Variants in M1AP observed in about 807,000 individuals in gnomAD.
The protein encoded by M1AP is meiosis 1 arrest protein.
A neutral mutation model predicts 51.2 loss-of-function variants in M1AP; 39 were observed. That is an observed-to-expected ratio of 0.76 (90% confidence interval 0.59 to 1.00). The LOEUF (loss-of-function observed/expected upper bound fraction) is 1.00, where lower values mean the gene tolerates loss of function less well. Among genes scored for constraint, M1AP ranks in the 50% least tolerant of loss-of-function variants. The pLI is 0.00. For missense variants in M1AP, 545 were observed against 641.2 expected (o/e 0.85, Z 1.62); for synonymous variants, 251 against 249.2 (o/e 1.01, Z -0.07).
chr2:74,632,971 A>T (rs1165919623), intron 2 of M1AP, among the ~76,000 whole-genome samples: 3 of 152,162 alleles, frequency 2.0e-5, no homozygotes, highest in Admixed American at 2.0e-4. Context: ...CTCATTTCCT[A>T]AGAAACCTCT....
intron 2 of M1AP, among the ~76,000 whole-genome samples, chr2:74,636,081 T>C (rs1400383774): frequency 1.3e-5 from 2 of 152,086 alleles, no homozygotes; most frequent in Non-Finnish European, 2.9e-5. Flanking sequence ...AATTGTGGAT[T>C]TATCTATTTC....
In M1AP at chr2:74,576,502, T is replaced by A. The variant is rs1296147468; in HGVS notation, c.886A>T (p.Met296Leu). ...PKGDFITLYQ[M>L]ASQSSASHYK... ...TGAGAGGCCGATGACTGGGAAGCCA[T>A]CTGGTAGAGTGTGATGAAGTCTCCT... is the stretch of plus-strand genomic sequence containing the variant. The change falls in exon 6 of 11, where the codon ATG (methionine) becomes TTG (leucine). Residue 296 changes from methionine (M) to leucine (L), a missense_variant. Met to Leu is a conservative substitution (Grantham distance 15). Coordinates refer to ENST00000421985, the MANE Select transcript of M1AP (RefSeq NM_001321739.2). 4.3e-6 allele frequency: 7 copies of A among 1,613,952 alleles called. No homozygotes were observed. Among genetic ancestry groups the A allele is most frequent in the Non-Finnish European group, 5.1e-6 (6 of 1,180,000 alleles).
intron 1 of M1AP, chr2:74,647,516 T>TA: frequency 3.8e-6 from 2 of 523,830 alleles, no homozygotes; most frequent in Non-Finnish European, 4.9e-6. Flanking sequence ...TTGTAGGCCC[T>TA]AAAAATCTCA....
chr2:74,618,735 G>A (rs1306318050), intron 2 of M1AP: 10 of 221,078 alleles, frequency 4.5e-5, no homozygotes, highest in Non-Finnish European at 7.5e-5. Flanking sequence ...TCTATATCCC[G>A]AAAGTTCACA....
At chr2:74,580,220 A>G (rs1679318944) in intron 5 of M1AP, among the ~76,000 whole-genome samples, 1 of 152,234 alleles carries the variant, frequency 6.6e-6, no homozygotes, top group Non-Finnish European at 1.5e-5. Flanking sequence ...TGAAGATAAA[A>G]TGGGATAATG....
At chr2:74,586,247 G>C (rs987728515) in intron 4 of M1AP, among the ~76,000 whole-genome samples, 1 of 152,174 alleles carries the variant, frequency 6.6e-6, no homozygotes, top group Non-Finnish European at 1.5e-5. Context: ...GAATACGTTT[G>C]ATCTCTCCCA....
intron 10 of M1AP, 66 bp from the exon 11 acceptor site, chr2:74,558,940 G>A: frequency 6.9e-7 from 1 of 1,451,166 alleles, no homozygotes; most frequent in Non-Finnish European, 9.2e-7. Context: ...CCCATTCTCT[G>A]TTGGGCTTCC....
At chr2:74,630,744 C>T (rs961849235) in intron 2 of M1AP, among the ~76,000 whole-genome samples, 4 of 152,032 alleles carry the variant, frequency 2.6e-5, no homozygotes, top group African/African-American at 9.7e-5. Flanking sequence ...CTGATGGGCA[C>T]TTGGGTTGGT....
Position 74,558,894 on chromosome 2 carries a change from A to G in M1AP, c.1435-20T>C, listed in dbSNP as rs562452423. On this transcript the variant is annotated intron_variant, in intron 10 of 10. Transcript: ENST00000421985. Reference sequence around the variant, plus strand: ...CCCAGTCTGCAAAGAGAGCAACCAGAGCCTTCTCTGAAGATCAGAGTTTCT... The same window carrying G: ...CCCAGTCTGCAAAGAGAGCAACCAGGGCCTTCTCTGAAGATCAGAGTTTCT... 1 of 1,568,208 alleles carries G rather than the reference A, an allele frequency of 6.4e-7. No homozygotes were observed. Among genetic ancestry groups the G allele is most frequent in the South Asian group, 1.2e-5 (1 of 83,638 alleles).
At chr2:74,637,920 T>C (rs371699037) in intron 2 of M1AP, among the ~76,000 whole-genome samples, 23 of 152,208 alleles carry the variant, frequency 1.5e-4, no homozygotes, top group South Asian at 6.2e-4. Flanking sequence ...CCTTCTCCTC[T>C]AGCTATTAAT....
chr2:74,626,071 T>G (rs2104785286), intron 2 of M1AP, among the ~76,000 whole-genome samples: 1 of 152,318 alleles, frequency 6.6e-6, no homozygotes, highest in Admixed American at 6.5e-5. Context: ...TAGTGAACTC[T>G]GCCATCCAGT....
Position 74,624,972 on chromosome 2 carries a change from A to C in M1AP, c.241-9823T>G, listed in dbSNP as rs184025145. ...TATGTAGGATAAGGTCCTAGAAGTGAATTTGCTACTTTAAAAGATATGTAA... is the reference window on the plus strand; with the variant it reads ...TATGTAGGATAAGGTCCTAGAAGTGCATTTGCTACTTTAAAAGATATGTAA... On this transcript the variant is annotated intron_variant, in intron 2 of 10. Transcript: ENST00000421985. 4.8e-4 allele frequency among the ~76,000 whole-genome samples: 73 copies of C among 152,314 alleles called. 1 individual carries two copies. Among genetic ancestry groups the C allele is most frequent in the Non-Finnish European group, 8.8e-5 (6 of 68,000 alleles).
chr2:74,647,093 C>T (rs932067091), intron 1 of M1AP, among the ~76,000 whole-genome samples: 2 of 152,100 alleles, frequency 1.3e-5, no homozygotes, highest in Admixed American at 6.5e-5. Context: ...TGGAACTGGG[C>T]CTTGAACCAC....
At chr2:74,647,239 C>CT in intron 1 of M1AP, 1 of 985,406 alleles carries the variant, frequency 1.0e-6, no homozygotes, top group Non-Finnish European at 1.2e-6. Context: ...CATCCTCACA[C>CT]TAGGCCCTCC....
intron 5 of M1AP, among the ~76,000 whole-genome samples, chr2:74,577,953 T>C (rs1372111706): frequency 6.6e-6 from 1 of 152,228 alleles, no homozygotes; most frequent in Admixed American, 6.5e-5. Context: ...TGGGGGATGG[T>C]ACTGTTCCAC....
chr2:74,559,009 T>A (rs892488701), intron 10 of M1AP, 135 bp from the exon 11 acceptor site: 48 of 822,750 alleles, frequency 5.8e-5, no homozygotes, highest in Non-Finnish European at 8.2e-5. Flanking sequence ...CCGAGGACAG[T>A]GATCTGGAGT....
chr2:74,636,461 AT>A (rs1175086384), intron 2 of M1AP, among the ~76,000 whole-genome samples: 5 of 152,172 alleles, frequency 3.3e-5, no homozygotes, highest in African/African-American at 1.2e-4. Flanking sequence ...TAATATAACT[AT>A]TGATATGTTA....
chr2:74,597,922 T>C (rs1283060386), intron 4 of M1AP, among the ~76,000 whole-genome samples: 1 of 152,238 alleles, frequency 6.6e-6, no homozygotes, highest in African/African-American at 2.4e-5. Flanking sequence ...GCAATAAAAA[T>C]GTAAGCTATG....
At chr2:74,568,022 A>C (rs940476771) in intron 7 of M1AP, among the ~76,000 whole-genome samples, 15 of 152,270 alleles carry the variant, frequency 9.9e-5, no homozygotes, top group Admixed American at 1.3e-4. Flanking sequence ...TGTAATTTGA[A>C]AAGTTACACA....
Sources: allele counts gnomAD v4.1 joint callset (sites outside exome capture counted in the v4.1 genomes callset), GRCh38; gene constraint gnomAD v4.1.1; transcripts MANE v1.5; gene names NCBI Gene and HGNC (gene_info 2026-07-23, HGNC 2026-07-21).